The following ANKFN1 variants were observed in gnomAD, a reference collection of about 807,000 sequenced individuals.
The protein encoded by ANKFN1 is ankyrin repeat and fibronectin type-III domain-containing protein 1.
A neutral mutation model predicts 108.7 loss-of-function variants in ANKFN1; 74 were observed. The ratio of observed to expected loss-of-function variants is 0.68; its 90% confidence interval spans 0.56 to 0.83. The LOEUF (loss-of-function observed/expected upper bound fraction) is 0.83. Ranked by LOEUF, ANKFN1 falls within the 40% of genes least tolerant of loss-of-function variation. The probability of loss-of-function intolerance (pLI) is 0.00; values close to 1 mark genes in which losing one functional copy is unlikely to be tolerated. For synonymous variants in ANKFN1, 547 were observed against 516.2 expected, an observed-to-expected ratio of 1.06 and a Z score of -0.81; for missense variants, 1,505 against 1,382.3, an observed-to-expected ratio of 1.09 and a Z score of -1.41.
chr17:56,412,790 A>G (rs558290683), intron 8 of ANKFN1, among the ~76,000 whole-genome samples: 1 of 152,244 alleles, frequency 6.6e-6, no homozygotes, highest in South Asian at 2.1e-4. Flanking sequence ...CAGATGACCT[A>G]TTGTGGGACT....
intron 3 of ANKFN1, among the ~76,000 whole-genome samples, chr17:56,307,151 C>CA (rs1424694573): frequency 6.6e-6 from 1 of 152,168 alleles, no homozygotes; most frequent in Non-Finnish European, 1.5e-5. Context: ...CAATACCATT[C>CA]AGGACATAGG....
At chr17:56,120,446 GTTT>G (rs1906547080) in intron 4 of ANKFN1, among the ~76,000 whole-genome samples, 1 of 152,036 alleles carries the variant, frequency 6.6e-6, no homozygotes, top group Non-Finnish European at 1.5e-5. Context: ...GCTATCCTCA[GTTT>G]AATCCAACCC....
At chr17:56,410,934 T>C (rs1257958311) in intron 8 of ANKFN1, among the ~76,000 whole-genome samples, 1 of 152,242 alleles carries the variant, frequency 6.6e-6, no homozygotes, top group African/African-American at 2.4e-5. Context: ...AGCTTTATAA[T>C]ATATTCTGAA....
intron 4 of ANKFN1, among the ~76,000 whole-genome samples, chr17:56,078,817 G>A (rs561819935): frequency 3.3e-5 from 5 of 152,136 alleles, no homozygotes; most frequent in Non-Finnish European, 5.9e-5. Flanking sequence ...TCTGAGTCTC[G>A]ATGTATGTGG....
chr17:56,325,291 T>C (rs960423673), intron 3 of ANKFN1, among the ~76,000 whole-genome samples: 4 of 149,500 alleles, frequency 2.7e-5, no homozygotes, highest in Admixed American at 6.6e-5. Context: ...TGTGTGTGTG[T>C]GCACGTGTGC....
At chr17:56,454,892 G>A (rs183933052) in intron 11 of ANKFN1, among the ~76,000 whole-genome samples, 226 of 152,252 alleles carry the variant, frequency 1.5e-3, no homozygotes, top group African/African-American at 4.6e-3. Flanking sequence ...TTGGGTGTTC[G>A]TTTGTCTGTT....
Position 56,442,897 on chromosome 17 carries a change from G to C in ANKFN1, c.1063G>C (p.Ala355Pro), listed in dbSNP as rs2049157173. 6.2e-7 allele frequency: 1 copy of C among 1,613,662 alleles called. No individual in the cohort carries two copies. The highest frequency in any genetic ancestry group is 8.5e-7 in the Non-Finnish European group (1 of 1,179,768). ...TTACAATATGAAAGGATGGGGACCT[G>C]CTCAGACCACGACACCGGCATGTGC... Reference protein sequence around the residue: ...SAYNMKGWGPAQTTTPACASP... With the variant: ...SAYNMKGWGPPQTTTPACASP... Residue 355 changes from alanine to proline, a missense_variant, in exon 10 of 21, where the codon GCT becomes CCT. Physicochemically the swap from Ala to Pro is conservative, Grantham distance 27 (BLOSUM62 -1). Transcript: ENST00000682825.
At chr17:56,507,257 T>C (rs910435886) in intron 20 of ANKFN1, among the ~76,000 whole-genome samples, 9 of 152,190 alleles carry the variant, frequency 5.9e-5, no homozygotes, top group East Asian at 1.9e-4. Context: ...CCACTAAAGA[T>C]TGGAAAAAGT....
intron 15 of ANKFN1, among the ~76,000 whole-genome samples, chr17:56,469,437 A>T (rs2050240929): frequency 6.6e-6 from 1 of 152,166 alleles, no homozygotes; most frequent in South Asian, 2.1e-4. Context: ...GGTAATTCCC[A>T]CAATAACAGG....
intron 1 of ANKFN1, among the ~76,000 whole-genome samples, chr17:56,159,477 A>T (rs936658136): frequency 2.0e-5 from 3 of 152,252 alleles, no homozygotes; most frequent in African/African-American, 7.2e-5. Flanking sequence ...TCTGAAATAA[A>T]TATGAGATTT....
chr17:56,205,048 G>A (rs1914413376), intron 1 of ANKFN1, among the ~76,000 whole-genome samples: 1 of 152,172 alleles, frequency 6.6e-6, no homozygotes, highest in Non-Finnish European at 1.5e-5. Context: ...TGCAACTCCA[G>A]CATGGGCGAC....
At chr17:56,086,365 A>G (rs1242237256) in intron 4 of ANKFN1, among the ~76,000 whole-genome samples, 1 of 151,464 alleles carries the variant, frequency 6.6e-6, no homozygotes, top group Admixed American at 6.6e-5. Context: ...AGATCACACC[A>G]TTGCACTCCA....
At position 56,374,568 on chromosome 17, in the gene ANKFN1, G is replaced by A. The variant is rs774429431; in HGVS notation, c.797-33G>A. The A allele has an allele frequency of 4.6e-5, 69 of 1,497,688 alleles. No homozygotes were observed. In the Admixed American group the frequency reaches 1.1e-3, roughly 25 times the overall value. The allele number at this position is 1,497,688 out of a possible 1,614,324, so 92.8% of individuals were successfully genotyped here. On this transcript the variant is annotated intron_variant, in intron 7 of 20. Coordinates refer to ENST00000682825, the MANE Select transcript of ANKFN1 (RefSeq NM_001370326.1). ...ACGTTGTTTGAAAAGGATTTGCTAT[G>A]TTAAGATCCTTGTGTTTTTCCTTCT...
intron 8 of ANKFN1, among the ~76,000 whole-genome samples, chr17:56,395,225 G>A (rs1432015288): frequency 3.3e-5 from 5 of 152,188 alleles, no homozygotes; most frequent in South Asian, 2.1e-4. Context: ...GTTCATGAAA[G>A]GACAAGGGAT....
intron 1 of ANKFN1, among the ~76,000 whole-genome samples, chr17:56,171,508 A>G (rs112897743): frequency 2.0e-5 from 3 of 152,174 alleles, no homozygotes; most frequent in Non-Finnish European, 2.9e-5. Flanking sequence ...TGTGTTGTTT[A>G]TCCCCAAACT....
At chr17:56,360,708 T>C (rs2144717125) in intron 6 of ANKFN1, among the ~76,000 whole-genome samples, 1 of 152,328 alleles carries the variant, frequency 6.6e-6, no homozygotes, top group African/African-American at 2.4e-5. Flanking sequence ...TTTTATGTTT[T>C]CAAATAATTA....
At chr17:56,469,789 A>C (rs9901025) in intron 15 of ANKFN1, among the ~76,000 whole-genome samples, 5 of 150,834 alleles carry the variant, frequency 3.3e-5, no homozygotes, top group African/African-American at 9.8e-5. Context: ...TTTTCTTTTT[A>C]TTTTTATTTT....
chr17:56,340,683 C>G (rs2045937368), intron 4 of ANKFN1, among the ~76,000 whole-genome samples: 1 of 151,988 alleles, frequency 6.6e-6, no homozygotes, highest in South Asian at 2.1e-4. Context: ...TGTGCCAGTA[C>G]CATGCTGTTT....
chr17:56,091,157 G>A (rs1905409099), intron 4 of ANKFN1, among the ~76,000 whole-genome samples: 1 of 151,048 alleles, frequency 6.6e-6, no homozygotes. Flanking sequence ...GAATTCTGTA[G>A]AGAATGGTAG....
Sources: allele counts gnomAD v4.1 joint callset (sites outside exome capture counted in the v4.1 genomes callset), GRCh38; gene constraint gnomAD v4.1.1; transcripts MANE v1.5; gene names NCBI Gene and HGNC (gene_info 2026-07-23, HGNC 2026-07-21).